PPP2R3A: variants seen among roughly 807,000 people sequenced by gnomAD.
The protein encoded by PPP2R3A is protein phosphatase 2 regulatory subunit B''alpha.
Under a neutral mutation model 106.9 loss-of-function variants are expected in PPP2R3A, and 80 were observed. The observed-to-expected ratio is 0.75, with a 90% CI of 0.62 to 0.90. PPP2R3A has a LOEUF of 0.90. PPP2R3A is among the 40% of genes least tolerant of loss of function. The pLI is 0.00. For synonymous variants in PPP2R3A, 483 were observed against 468.3 expected (o/e 1.03, Z -0.41); for missense variants, 1,386 against 1,350.4 (o/e 1.03, Z -0.41).
chr3:136,080,040 A>G (rs567088425), intron 7 of PPP2R3A, among the ~76,000 whole-genome samples: 3 of 152,266 alleles, frequency 2.0e-5, no homozygotes, highest in Non-Finnish European at 2.9e-5. Context: ...AGGGGGACCC[A>G]TATCATCTGT....
intron 1 of PPP2R3A, among the ~76,000 whole-genome samples, chr3:135,988,906 C>T (rs894141293): frequency 1.3e-5 from 2 of 152,052 alleles, no homozygotes; most frequent in South Asian, 2.1e-4. Flanking sequence ...TTGGGAGGCA[C>T]CTATTGATTA....
At chr3:136,000,966 G>A (rs1012374013) in intron 1 of PPP2R3A, 93 bp from the exon 2 acceptor site, 12 of 388,566 alleles carry the variant, frequency 3.1e-5, no homozygotes, top group South Asian at 1.4e-4. Context: ...ATAATAAAGC[G>A]TGGTGGTTAA....
chr3:136,089,425 T>C (rs1288608288), intron 9 of PPP2R3A, among the ~76,000 whole-genome samples: 2 of 152,128 alleles, frequency 1.3e-5, no homozygotes, highest in Non-Finnish European at 2.9e-5. Flanking sequence ...CTCTCTCTTC[T>C]GCTCCATTGG....
chr3:136,014,739 G>A (rs887655887), intron 2 of PPP2R3A, among the ~76,000 whole-genome samples: 1 of 152,030 alleles, frequency 6.6e-6, no homozygotes, highest in Non-Finnish European at 1.5e-5. Context: ...TGAGTCTTTA[G>A]GGTTTTCCAG....
intron 13 of PPP2R3A, among the ~76,000 whole-genome samples, chr3:136,143,020 G>A (rs759936977): frequency 6.6e-6 from 1 of 152,186 alleles, no homozygotes; most frequent in Non-Finnish European, 1.5e-5. Context: ...ATCCCATGCC[G>A]CATTGAGGCC....
chr3:136,068,591 G>A (rs1361723479), intron 5 of PPP2R3A, among the ~76,000 whole-genome samples: 1 of 152,312 alleles, frequency 6.6e-6, no homozygotes, highest in East Asian at 1.9e-4. Context: ...GTTAAGAAAT[G>A]TAGACAGAAT....
At chr3:136,103,033 A>T (rs1351951856) in intron 11 of PPP2R3A, among the ~76,000 whole-genome samples, 1 of 152,208 alleles carries the variant, frequency 6.6e-6, no homozygotes, top group Non-Finnish European at 1.5e-5. Flanking sequence ...GCACTTTAAA[A>T]TTGTTTAAAT....
At chr3:136,087,246 T>TCTCTCC (rs1936966718) in intron 8 of PPP2R3A, among the ~76,000 whole-genome samples, 1 of 20,848 alleles carries the variant, frequency 4.8e-5, no homozygotes, top group Non-Finnish European at 8.4e-5. Flanking sequence ...TCTAGTCGTG[T>TCTCTCC]CTCTCTCTCT....
At chr3:136,026,621 A>AG (rs1302370608) in intron 2 of PPP2R3A, among the ~76,000 whole-genome samples, 1 of 152,168 alleles carries the variant, frequency 6.6e-6, no homozygotes, top group Non-Finnish European at 1.5e-5. Context: ...ACGTAAATCT[A>AG]TGTAAACTTG....
intron 5 of PPP2R3A, among the ~76,000 whole-genome samples, chr3:136,060,373 T>C (rs1204616441): frequency 2.0e-5 from 3 of 152,220 alleles, no homozygotes; most frequent in Admixed American, 1.3e-4. Context: ...TTTAGCTCTG[T>C]GTCCCCACCC....
intron 13 of PPP2R3A, among the ~76,000 whole-genome samples, chr3:136,139,041 A>G (rs975669944): frequency 8.5e-5 from 13 of 152,152 alleles, no homozygotes; most frequent in Admixed American, 4.6e-4. Flanking sequence ...TTCTATGCCT[A>G]TAGGTACCAT....
At chr3:136,116,064 G>T (rs1455238515) in intron 13 of PPP2R3A, among the ~76,000 whole-genome samples, 1 of 152,202 alleles carries the variant, frequency 6.6e-6, no homozygotes, top group African/African-American at 2.4e-5. Flanking sequence ...AACCCTACAA[G>T]CCAGAAGAAG....
Position 135,968,406 on chromosome 3 carries a change from G to T in PPP2R3A, c.-441+2557G>T, listed in dbSNP as rs550603542. Among the ~76,000 whole-genome samples the T allele has an allele frequency of 1.1e-4, 17 of 152,316 alleles. 1 individual carries two copies. In the South Asian group the frequency reaches 3.5e-3, roughly 32 times the overall value. ...GTGACCTTTGAGGTGGACGGTGAAG[G>T]ATTAACAGGAGTTACTAGGTGAAGC... On this transcript the variant is annotated intron_variant, in intron 1 of 13. Transcript: ENST00000264977.
chr3:136,053,346 G>T (rs1386378660), intron 5 of PPP2R3A, among the ~76,000 whole-genome samples: 1 of 152,014 alleles, frequency 6.6e-6, no homozygotes, highest in South Asian at 2.1e-4. Flanking sequence ...AATAATAAAT[G>T]GATTTATATG....
chr3:136,063,516 C>G (rs1576473552), intron 5 of PPP2R3A, among the ~76,000 whole-genome samples: 1 of 152,174 alleles, frequency 6.6e-6, no homozygotes, highest in African/African-American at 2.4e-5. Context: ...TTTTTGCAAC[C>G]TACTCATCTG....
intron 9 of PPP2R3A, 83 bp from the exon 10 acceptor site, chr3:136,090,495 C>G: frequency 8.8e-7 from 1 of 1,141,908 alleles, no homozygotes; most frequent in South Asian, 1.4e-5. Flanking sequence ...AACTGACATA[C>G]TACTTTATTT....
At chr3:136,057,809 G>A (rs572054546) in intron 5 of PPP2R3A, among the ~76,000 whole-genome samples, 1 of 152,286 alleles carries the variant, frequency 6.6e-6, no homozygotes, top group African/African-American at 2.4e-5. Flanking sequence ...AAGTGTTGGA[G>A]AGGATGTAGA....
At chr3:136,133,574 G>C (rs1376265533) in intron 13 of PPP2R3A, among the ~76,000 whole-genome samples, 1 of 151,962 alleles carries the variant, frequency 6.6e-6, no homozygotes, top group African/African-American at 2.4e-5. Context: ...TTCTTAAAAA[G>C]TTAAACATAC....
chr3:136,146,411 A>C lies in PPP2R3A; in HGVS notation c.*1245A>C, dbSNP rs1313198159. On this transcript the variant is annotated 3_prime_UTR_variant, in exon 14 of 14. Transcript: ENST00000264977. Reference sequence around the variant, plus strand: ...TTTTTAACTAGTTCTGAAAGTGTCAAGAATAGCTTCCCTTTCCACCCTACC... The same window carrying C: ...TTTTTAACTAGTTCTGAAAGTGTCACGAATAGCTTCCCTTTCCACCCTACC... 1 of 152,216 alleles carries C rather than the reference A, an allele frequency of 6.6e-6. No individual in the cohort carries two copies. The highest frequency in any genetic ancestry group is 1.5e-5 in the Non-Finnish European group (1 of 68,042). The allele number at this position is 152,216 out of a possible 1,614,324, so 9.4% of individuals were successfully genotyped here. A position where few individuals can be genotyped will look rare whatever the true frequency, so the allele number is the denominator to read the frequency against.
Sources: gnomAD v4.1 joint callset for allele counts (sites outside exome capture counted in the v4.1 genomes callset) on GRCh38, gnomAD v4.1.1 for gene constraint, MANE v1.5 for transcripts, NCBI Gene and HGNC (gene_info 2026-07-23, HGNC 2026-07-21) for gene names.